The following VPS13A variants were observed in gnomAD, a reference collection of about 807,000 sequenced individuals.
VPS13A encodes the protein intermembrane lipid transfer protein VPS13A.
In VPS13A, 264 loss-of-function variants were observed where a neutral mutation model predicts 390.9. That is an observed-to-expected ratio of 0.68 (90% confidence interval 0.61 to 0.75). VPS13A has a LOEUF of 0.75. VPS13A is among the 30% of genes least tolerant of loss of function. The probability of loss-of-function intolerance (pLI) is 0.00; values close to 1 mark genes in which losing one functional copy is unlikely to be tolerated. For synonymous variants in VPS13A, 1,231 were observed against 1,227.1 expected (o/e 1.00, Z -0.07); for missense variants, 3,409 against 3,733.9 (o/e 0.91, Z 2.27).
chr9:77,345,372 G>A (rs1206857894), intron 52 of VPS13A, among the ~76,000 whole-genome samples: 1 of 152,218 alleles, frequency 6.6e-6, no homozygotes, highest in East Asian at 1.9e-4. Context: ...GCTGAAGCAA[G>A]TGTGGCAAAA....
intron 5 of VPS13A, among the ~76,000 whole-genome samples, chr9:77,208,248 G>T (rs1443087006): frequency 1.3e-5 from 2 of 152,028 alleles, no homozygotes; most frequent in Non-Finnish European, 2.9e-5. Context: ...CTATTTATAT[G>T]TATATATATT....
intron 21 of VPS13A, among the ~76,000 whole-genome samples, chr9:77,251,270 A>G (rs1825133314): frequency 6.6e-6 from 1 of 152,196 alleles, no homozygotes; most frequent in Non-Finnish European, 1.5e-5. Flanking sequence ...GTTTTCCTTG[A>G]CTGGGATTTT....
At chr9:77,241,510 A>G (rs980286961) in intron 19 of VPS13A, among the ~76,000 whole-genome samples, 10 of 149,722 alleles carry the variant, frequency 6.7e-5, no homozygotes, top group African/African-American at 2.5e-4. Context: ...CTCTCTTCAG[A>G]TAGTCCGTTA....
intron 1 of VPS13A, among the ~76,000 whole-genome samples, chr9:77,190,661 CTCT>C (rs1230282348): frequency 3.3e-5 from 5 of 152,138 alleles, no homozygotes; most frequent in Non-Finnish European, 7.3e-5. Context: ...TTGGTACCAG[CTCT>C]TCTTTATATG....
At chr9:77,317,937 T>C (rs1829499986) in intron 40 of VPS13A, among the ~76,000 whole-genome samples, 1 of 151,960 alleles carries the variant, frequency 6.6e-6, no homozygotes, top group African/African-American at 2.4e-5. Context: ...ATAAATATTA[T>C]TGAAATTACT....
intron 33 of VPS13A, among the ~76,000 whole-genome samples, chr9:77,301,638 T>G (rs1369772217): frequency 6.6e-6 from 1 of 152,146 alleles, no homozygotes; most frequent in Non-Finnish European, 1.5e-5. Flanking sequence ...GAGTAACACT[T>G]TGAGATTGTC....
chr9:77,207,645 C>T (rs935765874), intron 5 of VPS13A, among the ~76,000 whole-genome samples: 2 of 152,020 alleles, frequency 1.3e-5, no homozygotes, highest in Non-Finnish European at 2.9e-5. Context: ...GGGCCATTTT[C>T]TCTAAAATAA....
intron 3 of VPS13A, among the ~76,000 whole-genome samples, chr9:77,203,672 C>T (rs1049710192): frequency 1.3e-5 from 2 of 152,134 alleles, no homozygotes; most frequent in African/African-American, 4.8e-5. Context: ...TTTGTAATTG[C>T]TCTTTGTCCT....
At chr9:77,387,053 A>G (rs948053921) in intron 68 of VPS13A, among the ~76,000 whole-genome samples, 1 of 152,034 alleles carries the variant, frequency 6.6e-6, no homozygotes, top group Non-Finnish European at 1.5e-5. Context: ...TGCCACAGTG[A>G]AATTATCTTT....
chr9:77,283,779 G>A (rs1587490725), intron 31 of VPS13A, 129 bp downstream of exon 31: 1 of 740,136 alleles, frequency 1.4e-6, no homozygotes. Context: ...GGGTTTTGGA[G>A]TCAGGCATAA....
intron 60 of VPS13A, among the ~76,000 whole-genome samples, chr9:77,366,151 G>T (rs374885542): frequency 6.6e-6 from 1 of 152,090 alleles, no homozygotes; most frequent in African/African-American, 2.4e-5. Flanking sequence ...TGAAAATCTT[G>T]TAAGTCAGAA....
At chr9:77,390,895 A>G (rs1222213024) in intron 68 of VPS13A, among the ~76,000 whole-genome samples, 1 of 152,030 alleles carries the variant, frequency 6.6e-6, no homozygotes, top group Non-Finnish European at 1.5e-5. Context: ...TGATTTCTAG[A>G]TCTTTCAGTT....
In VPS13A at chr9:77,214,362, A is replaced by C; in HGVS notation, c.730A>C (p.Ile244Leu). ...DLKNGIVNENIVPEGYDFVFR... is the reference protein window; with the variant it reads ...DLKNGIVNENLVPEGYDFVFR... ...GAAGAATGGCATTGTCAATGAAAATATTGTTCCAGAAGGTTATGATTTTGG... is the reference window on the plus strand; with the variant it reads ...GAAGAATGGCATTGTCAATGAAAATCTTGTTCCAGAAGGTTATGATTTTGG... The change falls in exon 10 of 72, where the codon ATT becomes CTT. Residue 244 changes from isoleucine to leucine, a missense_variant. Transcript: ENST00000360280. 6.2e-7 allele frequency: 1 copy of C among 1,613,172 alleles called. No homozygotes were observed. The highest frequency in any genetic ancestry group is 1.1e-5 in the South Asian group (1 of 91,072).
rs1036774339 is a variant in VPS13A, at chr9:77,228,324, A to G, written c.1595+60A>G. 3.4e-6 allele frequency: 5 copies of G among 1,458,040 alleles called. No homozygotes were observed. In the African/African-American group the frequency reaches 4.2e-5, roughly 12 times the overall value. 90.3% of individuals were successfully genotyped at this position (1,458,040 alleles called of 1,614,324 possible). Reference sequence around the variant, plus strand: ...AAAAAACTTCACTGTGTTCTTAGACATTAGGTCACAATCTTAGTCTTTTGT... The same window carrying G: ...AAAAAACTTCACTGTGTTCTTAGACGTTAGGTCACAATCTTAGTCTTTTGT... On this transcript the variant is annotated intron_variant, in intron 17 of 71. Coordinates refer to ENST00000360280, the MANE Select transcript of VPS13A (RefSeq NM_033305.3).
intron 31 of VPS13A, 101 bp from the exon 32 acceptor site, chr9:77,293,240 A>G (rs889650200): frequency 2.7e-6 from 3 of 1,107,480 alleles, no homozygotes; most frequent in African/African-American, 3.2e-5. Context: ...TACTTGGGAG[A>G]TTTTCTAACT....
At chr9:77,308,230 C>A in intron 35 of VPS13A, 132 bp downstream of exon 35, 2 of 1,051,990 alleles carry the variant, frequency 1.9e-6, no homozygotes, top group South Asian at 1.5e-5. Flanking sequence ...TCTTTCTTTC[C>A]TTCTTTTTGT....
rs974485094 is a variant in VPS13A at position 77,417,168 on chromosome 9, G to A, written c.*1162G>A. 1 of 152,192 alleles carries A rather than the reference G, an allele frequency of 6.6e-6. No individual in the cohort carries two copies. The highest frequency in any genetic ancestry group is 2.4e-5 in the African/African-American group (1 of 41,462). 9.4% of individuals were successfully genotyped at this position (152,192 alleles called of 1,614,324 possible). ...GAGAATGAATGTATGATTGTGAACT[G>A]TGAAGAGAATGATGCAGGATCCTAT... is the stretch of plus-strand genomic sequence containing the variant. On this transcript the variant is annotated 3_prime_UTR_variant, in exon 72 of 72. Coordinates refer to ENST00000360280, the MANE Select transcript of VPS13A (RefSeq NM_033305.3).
At chr9:77,363,518 G>A (rs1041420523) in intron 59 of VPS13A, among the ~76,000 whole-genome samples, 2 of 146,834 alleles carry the variant, frequency 1.4e-5, no homozygotes, top group African/African-American at 2.5e-5. Flanking sequence ...TGCAATTCTC[G>A]TTTTTCAGCC....
At chr9:77,384,451 C>G in intron 68 of VPS13A, 1 of 1,243,208 alleles carries the variant, frequency 8.0e-7, no homozygotes, top group Non-Finnish European at 1.2e-6. Flanking sequence ...TAATTACAGT[C>G]TGAGTCATAG....
Sources: gnomAD v4.1 joint callset for allele counts (sites outside exome capture counted in the v4.1 genomes callset) on GRCh38, gnomAD v4.1.1 for gene constraint, MANE v1.5 for transcripts, NCBI Gene and HGNC (gene_info 2026-07-23, HGNC 2026-07-21) for gene names.